CDH13: variants seen among roughly 807,000 people sequenced by gnomAD.
The protein encoded by CDH13 is cadherin-13.
Under a neutral mutation model 63.8 loss-of-function variants are expected in CDH13, and 24 were observed. The observed-to-expected ratio is 0.38, with a 90% CI of 0.27 to 0.53. The LOEUF (loss-of-function observed/expected upper bound fraction) is 0.53, where lower values mean the gene tolerates loss of function less well. CDH13 is among the 20% of genes least tolerant of loss of function. The probability of loss-of-function intolerance (pLI) is 0.85; values close to 1 mark genes in which losing one functional copy is unlikely to be tolerated. For synonymous variants in CDH13, 503 were observed against 355.3 expected (o/e 1.42, Z -4.67); for missense variants, 1,049 against 903.1 (o/e 1.16, Z -2.07).
chr16:83,684,392 C>T (rs1424705815), intron 10 of CDH13, among the ~76,000 whole-genome samples: 2 of 151,974 alleles, frequency 1.3e-5, no homozygotes, highest in African/African-American at 4.8e-5. Context: ...AAAAAGTAGC[C>T]GAAAGATAAT....
At chr16:82,791,078 A>G (rs1007190392) in intron 1 of CDH13, among the ~76,000 whole-genome samples, 2 of 152,172 alleles carry the variant, frequency 1.3e-5, no homozygotes, top group Non-Finnish European at 1.5e-5. Context: ...TTTACTAAAA[A>G]TACTAAATAT....
chr16:82,796,484 G>A (rs772266030), intron 1 of CDH13, among the ~76,000 whole-genome samples: 4 of 152,230 alleles, frequency 2.6e-5, no homozygotes, highest in Non-Finnish European at 5.9e-5. Flanking sequence ...AGTGAAGGAG[G>A]ACAGGGTGGA....
intron 2 of CDH13, among the ~76,000 whole-genome samples, chr16:82,971,135 A>C (rs899836895): frequency 2.0e-5 from 3 of 152,200 alleles, no homozygotes; most frequent in African/African-American, 7.2e-5. Context: ...GAGCAGGTGC[A>C]TAAATACCCC....
chr16:83,549,298 C>T (rs927762822), intron 7 of CDH13, among the ~76,000 whole-genome samples: 1 of 152,200 alleles, frequency 6.6e-6, no homozygotes, highest in Non-Finnish European at 1.5e-5. Flanking sequence ...CTTCACCCCA[C>T]CTCTCATTCT....
intron 2 of CDH13, among the ~76,000 whole-genome samples, chr16:82,899,226 G>T (rs2041374372): frequency 6.6e-6 from 1 of 152,214 alleles, no homozygotes. Flanking sequence ...GTATTTCGGA[G>T]TGTATATAAA....
At position 83,217,450 on chromosome 16, in the gene CDH13, G is replaced by A. The variant is rs533187465; in HGVS notation, c.589G>A (p.Val197Ile). ...IFRINENTGS[V>I]SVTRTLDREV... The stretch of plus-strand genomic sequence containing the variant: ...CAGAATCAATGAGAACACAGGGAGC[G>A]TCTCCGTGACACGGACCTTGGACAG... Residue 197 changes from valine to isoleucine, a missense_variant, in exon 5 of 14, where the codon GTC becomes ATC. By Grantham distance (29) the Val-to-Ile change is conservative. Transcript: ENST00000567109. The A allele has an allele frequency of 3.8e-5, 62 of 1,613,896 alleles. No individual in the cohort carries two copies. The highest frequency in any genetic ancestry group is 3.1e-4 in the East Asian group (14 of 44,870).
intron 1 of CDH13, among the ~76,000 whole-genome samples, chr16:82,727,061 G>C (rs1474912388): frequency 1.3e-5 from 2 of 152,160 alleles, no homozygotes; most frequent in Non-Finnish European, 2.9e-5. Flanking sequence ...GTGCCTATTA[G>C]AAACTGTCAT....
chr16:82,918,330 G>T (rs1320778532), intron 2 of CDH13, among the ~76,000 whole-genome samples: 2 of 152,102 alleles, frequency 1.3e-5, no homozygotes, highest in African/African-American at 4.8e-5. Flanking sequence ...CGGAGAAAAT[G>T]GTGATTAGAA....
At chr16:83,369,642 C>G (rs2091326178) in intron 6 of CDH13, among the ~76,000 whole-genome samples, 1 of 152,074 alleles carries the variant, frequency 6.6e-6, no homozygotes. Flanking sequence ...CGAGGTTGGT[C>G]TCACATCCCT....
chr16:83,456,983 C>T (rs1280635645), intron 6 of CDH13, among the ~76,000 whole-genome samples: 1 of 151,996 alleles, frequency 6.6e-6, no homozygotes, highest in South Asian at 2.1e-4. Context: ...AGAAAGATCC[C>T]CTAGGGCATG....
intron 7 of CDH13, among the ~76,000 whole-genome samples, chr16:83,575,447 A>G (rs1247254470): frequency 6.6e-6 from 1 of 152,204 alleles, no homozygotes; most frequent in African/African-American, 2.4e-5. Flanking sequence ...CAGGAGACCA[A>G]TCTGAGCCTG....
chr16:82,850,691 C>G (rs560952755), intron 1 of CDH13, among the ~76,000 whole-genome samples: 1 of 152,070 alleles, frequency 6.6e-6, no homozygotes, highest in Non-Finnish European at 1.5e-5. Flanking sequence ...GATTGGCAAA[C>G]CTCGTTGTTT....
chr16:83,041,135 G>GT (rs1371126802), intron 3 of CDH13, among the ~76,000 whole-genome samples: 1 of 152,162 alleles, frequency 6.6e-6, no homozygotes, highest in African/African-American at 2.4e-5. Context: ...TTAACTGGAA[G>GT]TCAATACAAG....
chr16:83,004,614 C>G (rs942618385), intron 2 of CDH13, among the ~76,000 whole-genome samples: 1 of 152,110 alleles, frequency 6.6e-6, no homozygotes, highest in African/African-American at 2.4e-5. Context: ...TCTCGTGCCT[C>G]AGCTTCCCAA....
At chr16:83,568,595 G>A (rs1029994253) in intron 7 of CDH13, among the ~76,000 whole-genome samples, 1 of 152,152 alleles carries the variant, frequency 6.6e-6, no homozygotes, top group Non-Finnish European at 1.5e-5. Flanking sequence ...GTTCCCGAGT[G>A]GGGGCAGGGG....
chr16:83,143,039 G>T (rs1220834809), intron 4 of CDH13, among the ~76,000 whole-genome samples: 2 of 152,160 alleles, frequency 1.3e-5, no homozygotes, highest in Non-Finnish European at 2.9e-5. Context: ...GGGAGGCGGA[G>T]GTTGCCATAA....
At chr16:82,901,570 G>T (rs905983241) in intron 2 of CDH13, among the ~76,000 whole-genome samples, 1 of 152,062 alleles carries the variant, frequency 6.6e-6, no homozygotes, top group African/African-American at 2.4e-5. Context: ...GTTCTAGAAG[G>T]CACCCTGAAA....
intron 4 of CDH13, among the ~76,000 whole-genome samples, chr16:83,172,889 T>C (rs1036613139): frequency 1.3e-5 from 2 of 152,184 alleles, no homozygotes; most frequent in African/African-American, 4.8e-5. Flanking sequence ...CTAAAAATTC[T>C]CATTTCATCA....
chr16:82,860,743 G>T (rs901927425), intron 2 of CDH13, among the ~76,000 whole-genome samples: 1 of 152,096 alleles, frequency 6.6e-6, no homozygotes, highest in Non-Finnish European at 1.5e-5. Context: ...AAGGTTAATG[G>T]TGCCTAAATG....
Sources: allele counts gnomAD v4.1 joint callset (sites outside exome capture counted in the v4.1 genomes callset), GRCh38; gene constraint gnomAD v4.1.1; transcripts MANE v1.5; gene names NCBI Gene and HGNC (gene_info 2026-07-23, HGNC 2026-07-21).